The following NFIC variants were observed in gnomAD, a reference collection of about 807,000 sequenced individuals.
NFIC encodes the protein nuclear factor I C, also known as nuclear factor 1 C-type.
In NFIC, 12 loss-of-function variants were observed where a neutral mutation model predicts 54.4. The observed-to-expected ratio is 0.22, with a 90% CI of 0.14 to 0.36. The LOEUF (loss-of-function observed/expected upper bound fraction) is 0.36, where lower values mean the gene tolerates loss of function less well. Ranked by LOEUF, NFIC falls within the 10% of genes least tolerant of loss-of-function variation. The pLI, the probability that NFIC is intolerant of heterozygous loss-of-function variation, is 1.00. For missense variants in NFIC, 575 were observed against 718.2 expected (o/e 0.80, Z 2.28); for synonymous variants, 322 against 319.2 (o/e 1.01, Z -0.09).
At chr19:3,376,949 C>T (rs549828610) in intron 1 of NFIC, among the ~76,000 whole-genome samples, 3 of 151,874 alleles carry the variant, frequency 2.0e-5, no homozygotes, top group Admixed American at 2.0e-4. Context: ...AGGCTGATCT[C>T]AAACTCCTGA....
At chr19:3,380,840 G>A (rs780525218) in intron 1 of NFIC, among the ~76,000 whole-genome samples, 5 of 151,894 alleles carry the variant, frequency 3.3e-5, no homozygotes, top group Non-Finnish European at 5.9e-5. Flanking sequence ...GTTTTGTAGC[G>A]ATGGGGTTTT....
intron 6 of NFIC, among the ~76,000 whole-genome samples, chr19:3,436,783 G>A (rs932052824): frequency 5.3e-5 from 8 of 152,036 alleles, no homozygotes; most frequent in Admixed American, 2.0e-4. Context: ...CCACCTGTAG[G>A]ATTTTTAGAA....
At chr19:3,372,568 T>C (rs947747048) in intron 1 of NFIC, among the ~76,000 whole-genome samples, 2 of 152,128 alleles carry the variant, frequency 1.3e-5, no homozygotes, top group African/African-American at 2.4e-5. Flanking sequence ...CCAGGACTCC[T>C]TGAGGATGTG....
In NFIC at chr19:3,384,825, C is replaced by T. The variant is rs1193443513; in HGVS notation, c.562+2582C>T. Among the ~76,000 whole-genome samples, 6 of 152,042 alleles carry T rather than the reference C, an allele frequency of 3.9e-5. No homozygotes were observed. In the East Asian group the frequency reaches 7.8e-4, roughly 20 times the overall value. On this transcript the variant is annotated intron_variant, in intron 2 of 10. Coordinates refer to ENST00000443272, the MANE Select transcript of NFIC (RefSeq NM_001245002.2). ...GGACGGTGGGGGCAGAGAGGTGGGC[C>T]GGGTGACTGCCTGTTGGGAGCAGGG...
chr19:3,421,437 C>T (rs1273925801), intron 2 of NFIC, among the ~76,000 whole-genome samples: 1 of 152,248 alleles, frequency 6.6e-6, no homozygotes, highest in African/African-American at 2.4e-5. Context: ...AACTGGCCAG[C>T]TCCGAGGGGC....
At chr19:3,362,091 C>T (rs879655500), upstream of NFIC, among the ~76,000 whole-genome samples, 2 of 152,170 alleles carry the variant, frequency 1.3e-5, no homozygotes, top group East Asian at 1.9e-4. Context: ...TCTGCAGGGC[C>T]GAGAGCCCAG....
chr19:3,360,442 G>A (rs999975684), intron 1 of NFIC, among the ~76,000 whole-genome samples: 1 of 151,610 alleles, frequency 6.6e-6, no homozygotes, highest in Non-Finnish European at 1.5e-5. Context: ...CTGCACTTGG[G>A]GTTCCGGTGT....
At chr19:3,404,867 C>A (rs1415431343) in intron 2 of NFIC, among the ~76,000 whole-genome samples, 2 of 152,176 alleles carry the variant, frequency 1.3e-5, no homozygotes, top group African/African-American at 4.8e-5. Context: ...CGGACACCCA[C>A]AAAGAGTGAC....
intron 9 of NFIC, among the ~76,000 whole-genome samples, chr19:3,454,900 C>T (rs995849450): frequency 6.6e-6 from 1 of 152,134 alleles, no homozygotes; most frequent in African/African-American, 2.4e-5. Context: ...TAAAAACCGG[C>T]TTCTGATCAC....
rs1267465123 is a variant in NFIC at position 3,369,799 on chromosome 19, G to A, written c.30+3133G>A. On this transcript the variant is annotated intron_variant, in intron 1 of 10. Transcript: ENST00000443272. The surrounding 1 kb of genome is among the most constrained non-coding windows in gnomAD (Gnocchi z 4.3). ...GCCACGTTAGTTATTCCGGGTTTGG[G>A]GCCAAGTCCCTCTTGGCCGCAGCGT... Among the ~76,000 whole-genome samples the A allele has an allele frequency of 2.0e-5, 3 of 152,160 alleles. No homozygotes were observed. Among genetic ancestry groups the A allele is most frequent in the Non-Finnish European group, 2.9e-5 (2 of 68,022 alleles).
intron 1 of NFIC, among the ~76,000 whole-genome samples, chr19:3,378,135 C>G (rs2081139690): frequency 6.6e-6 from 1 of 151,802 alleles, no homozygotes; most frequent in Non-Finnish European, 1.5e-5. Flanking sequence ...ATAGTGTGTG[C>G]CTGTAATCCC....
intron 1 of NFIC, among the ~76,000 whole-genome samples, chr19:3,368,834 G>A (rs542202408): frequency 1.1e-4 from 17 of 152,186 alleles, no homozygotes; most frequent in Middle Eastern, 3.4e-3. Flanking sequence ...TCAGTTTCCC[G>A]AATCACGTCC....
At chr19:3,420,243 C>T (rs764046974) in intron 2 of NFIC, among the ~76,000 whole-genome samples, 12 of 152,056 alleles carry the variant, frequency 7.9e-5, no homozygotes, top group Non-Finnish European at 1.6e-4. Context: ...ATGGCTTGAG[C>T]TCAGGAGTTC....
chr19:3,359,733 T>C, intron 1 of NFIC: 5 of 1,400,752 alleles, frequency 3.6e-6, no homozygotes, highest in Non-Finnish European at 4.7e-6. Flanking sequence ...CTTTTTGGGG[T>C]GGTGCGTGGG....
rs772969864 is a variant in NFIC, at chr19:3,452,160, C to T, written c.1085-322C>T. On this transcript the variant is annotated intron_variant, in intron 7 of 10. Transcript: ENST00000443272. The surrounding 1 kb of genome is among the most constrained non-coding windows in gnomAD (Gnocchi z 5.3). ...GTGGGTTACACCTGTAATCCCCGCA[C>T]TTTGGGAGGCCTAGGAGGGAGGATC... Among the ~76,000 whole-genome samples, 1 of 150,876 alleles carries T rather than the reference C, an allele frequency of 6.6e-6. No individual in the cohort carries two copies. The highest frequency in any genetic ancestry group is 1.9e-4 in the East Asian group (1 of 5,144).
chr19:3,424,248 C>T (rs1348095290), intron 2 of NFIC, among the ~76,000 whole-genome samples: 3 of 152,032 alleles, frequency 2.0e-5, no homozygotes, highest in Non-Finnish European at 2.9e-5. Flanking sequence ...GGCTGGTCTT[C>T]AACTCCTGAC....
chr19:3,365,868 GC>G (rs1196902052), upstream of NFIC, among the ~76,000 whole-genome samples: 1 of 152,192 alleles, frequency 6.6e-6, no homozygotes, highest in Non-Finnish European at 1.5e-5. Flanking sequence ...GGAAGGGACA[GC>G]TGCACACAAG....
intron 2 of NFIC, among the ~76,000 whole-genome samples, chr19:3,414,592 C>CTAAAATAAAATAAAATAAAATAAAA (rs150304662): frequency 7.6e-6 from 1 of 131,664 alleles, no homozygotes; most frequent in South Asian, 2.6e-4. Context: ...GAGACTGCAT[C>CTAAAATAAAATAAAATAAAATAAAA]TAAAATAAAA....
chr19:3,463,509 C>T lies in NFIC; in HGVS notation c.*740C>T. On this transcript the variant is annotated 3_prime_UTR_variant, in exon 11 of 11. Coordinates refer to ENST00000443272, the MANE Select transcript of NFIC (RefSeq NM_001245002.2). ...GAGGGGGCCCTGCCTGCCGCGGGGC[C>T]TCCCCACAAGCCCCTCCCAAAGCGC... 1 of 984,250 alleles carries T rather than the reference C, an allele frequency of 1.0e-6. No individual in the cohort carries two copies. The allele number at this position is 984,250 out of a possible 1,614,324, so 61.0% of individuals were successfully genotyped here. A position where few individuals can be genotyped will look rare whatever the true frequency, so the allele number is the denominator to read the frequency against.
Sources: gnomAD v4.1 joint callset for allele counts (sites outside exome capture counted in the v4.1 genomes callset) on GRCh38, gnomAD v4.1.1 for gene constraint, Gnocchi (gnomAD v3.1) non-coding constraint, MANE v1.5 for transcripts, NCBI Gene and HGNC (gene_info 2026-07-23, HGNC 2026-07-21) for gene names.